Variants in MAGI1 observed in about 807,000 individuals in gnomAD.
The protein encoded by MAGI1 is membrane-associated guanylate kinase, WW and PDZ domain-containing protein 1.
MAGI1 carries 58 observed loss-of-function variants against 139.9 expected under a neutral mutation model. The ratio of observed to expected loss-of-function variants is 0.41; its 90% CI spans 0.34 to 0.52. MAGI1 has a LOEUF of 0.52. Among genes scored for constraint, MAGI1 ranks in the 20% least tolerant of loss-of-function variants. MAGI1 has a pLI of 0.12. For missense variants in MAGI1, 1,874 were observed against 1,901.6 expected, an observed-to-expected ratio of 0.99 and a Z score of 0.27; for synonymous variants, 812 against 737.9, an observed-to-expected ratio of 1.10 and a Z score of -1.63.
At chr3:65,602,970 C>T (rs2082552602) in intron 2 of MAGI1, among the ~76,000 whole-genome samples, 1 of 151,870 alleles carries the variant, frequency 6.6e-6, no homozygotes, top group South Asian at 2.1e-4. Context: ...CAACTTTATA[C>T]CAATTAATTT....
chr3:65,477,944 G>C (rs1951001212), intron 4 of MAGI1, among the ~76,000 whole-genome samples: 1 of 151,416 alleles, frequency 6.6e-6, no homozygotes, highest in East Asian at 1.9e-4. Flanking sequence ...CTCGGAGGTA[G>C]ACAGCCCTGA....
chr3:65,421,373 C>T (rs551384289), intron 12 of MAGI1, among the ~76,000 whole-genome samples: 2 of 152,244 alleles, frequency 1.3e-5, no homozygotes, highest in African/African-American at 2.4e-5. Flanking sequence ...AGATGTTAGG[C>T]AGCACGTTGG....
rs141070962 is a variant in MAGI1 at position 66,033,021 on chromosome 3, G to T, written c.313+4975C>A. On this transcript the variant is annotated intron_variant, in intron 1 of 22. Transcript: ENST00000402939. ...GGTGAGGGAATGGCACTTTACTCAGGGAGCTATCTTTTGTGTGTGTGTGTG... is the reference window on the plus strand; with the variant it reads ...GGTGAGGGAATGGCACTTTACTCAGTGAGCTATCTTTTGTGTGTGTGTGTG... Among the ~76,000 whole-genome samples, 603 of 151,786 alleles carry T rather than the reference G, an allele frequency of 4.0e-3. 4 individuals are homozygous for T. Among genetic ancestry groups the T allele is most frequent in the African/African-American group, 0.014 (581 of 41,372 alleles).
chr3:65,534,734 G>C (rs1439166989), intron 2 of MAGI1, among the ~76,000 whole-genome samples: 2 of 152,172 alleles, frequency 1.3e-5, no homozygotes, highest in Non-Finnish European at 2.9e-5. Flanking sequence ...TGGCAAGAGA[G>C]CACCAAGATT....
chr3:65,598,535 T>C (rs937229074), intron 2 of MAGI1, among the ~76,000 whole-genome samples: 3 of 152,208 alleles, frequency 2.0e-5, no homozygotes, highest in East Asian at 1.9e-4. Flanking sequence ...ATAACTCTTA[T>C]GTTTGAAATA....
chr3:65,568,121 G>A (rs1293311369), intron 2 of MAGI1, among the ~76,000 whole-genome samples: 2 of 152,112 alleles, frequency 1.3e-5, no homozygotes, highest in Admixed American at 6.6e-5. Flanking sequence ...TGGAAGACTG[G>A]TGAAGGGCCA....
At chr3:65,820,136 T>G (rs1448550911) in intron 1 of MAGI1, among the ~76,000 whole-genome samples, 1 of 152,020 alleles carries the variant, frequency 6.6e-6, no homozygotes. Flanking sequence ...AAACAAATCT[T>G]TACTTCCACA....
chr3:65,587,919 T>C (rs1322638757), intron 2 of MAGI1, among the ~76,000 whole-genome samples: 3 of 152,234 alleles, frequency 2.0e-5, no homozygotes, highest in East Asian at 1.9e-4. Context: ...TTCTACAAAA[T>C]GTATGGCAAG....
At chr3:65,611,121 A>G (rs1043464798) in intron 2 of MAGI1, among the ~76,000 whole-genome samples, 14 of 139,688 alleles carry the variant, frequency 1.0e-4, no homozygotes, top group African/African-American at 3.6e-4. Context: ...ATATACGTAT[A>G]TAATATATAG....
chr3:65,495,579 T>G (rs1486220326), intron 2 of MAGI1, among the ~76,000 whole-genome samples: 1 of 152,192 alleles, frequency 6.6e-6, no homozygotes, highest in Non-Finnish European at 1.5e-5. Context: ...CTGATGGAAT[T>G]TATATGTTAC....
At chr3:65,657,557 C>T (rs1177867425) in intron 1 of MAGI1, among the ~76,000 whole-genome samples, 1 of 152,044 alleles carries the variant, frequency 6.6e-6, no homozygotes, top group Non-Finnish European at 1.5e-5. Context: ...ATTTAGGGAG[C>T]CAGTTGTACT....
At chr3:65,836,161 AT>A (rs2042793499) in intron 1 of MAGI1, among the ~76,000 whole-genome samples, 1 of 152,228 alleles carries the variant, frequency 6.6e-6, no homozygotes, top group Non-Finnish European at 1.5e-5. Context: ...AGGTACAACC[AT>A]TCCCAAGTAA....
At chr3:65,572,780 T>C (rs922474371) in intron 2 of MAGI1, among the ~76,000 whole-genome samples, 1 of 151,962 alleles carries the variant, frequency 6.6e-6, no homozygotes, top group African/African-American at 2.4e-5. Context: ...CAAAGGCCCA[T>C]AGCAGGTCCA....
At chr3:65,877,935 T>C (rs2060179011) in intron 1 of MAGI1, among the ~76,000 whole-genome samples, 1 of 151,248 alleles carries the variant, frequency 6.6e-6, no homozygotes, top group South Asian at 2.1e-4. Flanking sequence ...GGTGAGACAC[T>C]GTCTCTACAA....
intron 14 of MAGI1, among the ~76,000 whole-genome samples, chr3:65,386,051 G>A (rs959989230): frequency 5.3e-5 from 8 of 152,104 alleles, no homozygotes; most frequent in South Asian, 2.1e-4. Context: ...TGGGAACAAC[G>A]AAAGGGCCTC....
At chr3:65,986,870 ATTT>A (rs57745762) in intron 1 of MAGI1, among the ~76,000 whole-genome samples, 48 of 137,438 alleles carry the variant, frequency 3.5e-4, no homozygotes, top group Admixed American at 5.9e-4. Flanking sequence ...TAAGGAAGGG[ATTT>A]TTTTTTTTTT....
chr3:65,692,654 T>A (rs2088783160), intron 1 of MAGI1, among the ~76,000 whole-genome samples: 1 of 152,146 alleles, frequency 6.6e-6, no homozygotes, highest in South Asian at 2.1e-4. Flanking sequence ...GCAACTGTGT[T>A]GAAAGGTGGG....
At chr3:65,388,834 AT>A (rs35579495) in intron 14 of MAGI1, among the ~76,000 whole-genome samples, 40 of 91,938 alleles carry the variant, frequency 4.4e-4, no homozygotes, top group African/African-American at 1.6e-3. Flanking sequence ...ACCATTCCGA[AT>A]TTTTTTTTTT....
At chr3:65,513,177 A>G (rs1264919150) in intron 2 of MAGI1, among the ~76,000 whole-genome samples, 1 of 27,012 alleles carries the variant, frequency 3.7e-5, no homozygotes, top group Non-Finnish European at 7.3e-5. Flanking sequence ...AGAGCTATCT[A>G]TGACAAACCC....
Sources: allele counts gnomAD v4.1 joint callset (sites outside exome capture counted in the v4.1 genomes callset), GRCh38; gene constraint gnomAD v4.1.1; transcripts MANE v1.5; gene names NCBI Gene and HGNC (gene_info 2026-07-23, HGNC 2026-07-21).